LRP1B: variants seen among roughly 807,000 people sequenced by gnomAD.
LRP1B encodes LDL receptor related protein 1B, also known as low-density lipoprotein receptor-related protein 1B.
LRP1B carries 217 observed loss-of-function variants against 556.6 expected under a neutral mutation model. That is an observed-to-expected ratio of 0.39 (90% CI 0.35 to 0.44). The LOEUF is 0.44. Ranked by LOEUF, LRP1B falls within the 20% of genes least tolerant of loss-of-function variation. The pLI is 1.00. For synonymous variants in LRP1B, 2,047 were observed against 1,865.8 expected (o/e 1.10, Z -2.50); for missense variants, 5,053 against 5,620.8 (o/e 0.90, Z 3.23).
Position 141,009,714 on chromosome 2 carries a change from T to C in LRP1B, c.2380+3842A>G, listed in dbSNP as rs376866843. Among the ~76,000 whole-genome samples the C allele has an allele frequency of 1.5e-4, 23 of 152,142 alleles. No homozygotes were observed. The East Asian group carries it at 1.5e-3, about 10-fold the overall frequency. On this transcript the variant is annotated intron_variant, in intron 14 of 90. Transcript: ENST00000389484. ...TCTAAAATCTCTAAATCCTGGATTC[T>C]ATAAAAGTAGTCAAGGGGAACTTTA...
At chr2:141,903,975 T>C (rs1212156875) in intron 1 of LRP1B, among the ~76,000 whole-genome samples, 1 of 151,828 alleles carries the variant, frequency 6.6e-6, no homozygotes, top group Non-Finnish European at 1.5e-5. Flanking sequence ...GCAAGATCAA[T>C]GTCAGGGGCC....
intron 1 of LRP1B, among the ~76,000 whole-genome samples, chr2:141,843,701 T>C (rs552591918): frequency 5.9e-5 from 9 of 152,282 alleles, no homozygotes; most frequent in African/African-American, 2.2e-4. Flanking sequence ...CTGGACCAGG[T>C]ATTATTTCCC....
At chr2:141,217,304 T>C (rs1427091518) in intron 6 of LRP1B, among the ~76,000 whole-genome samples, 4 of 152,314 alleles carry the variant, frequency 2.6e-5, no homozygotes, top group Non-Finnish European at 4.4e-5. Context: ...CATTTTCTCA[T>C]CTATAAACTG....
In LRP1B at chr2:141,633,524, A is replaced by G. The variant is rs574527078; in HGVS notation, c.206-152991T>C. 7.2e-5 allele frequency among the ~76,000 whole-genome samples: 11 copies of G among 152,226 alleles called. 1 individual carries two copies. The highest frequency in any genetic ancestry group is 2.6e-4 in the African/African-American group (11 of 41,570). On this transcript the variant is annotated intron_variant, in intron 2 of 90. Transcript: ENST00000389484. ...GATTATTTCTTATTTCTTTCCCAGGAAAGTGTTTGCCTCTGAATCTACCAA... is the reference window on the plus strand; with the variant it reads ...GATTATTTCTTATTTCTTTCCCAGGGAAGTGTTTGCCTCTGAATCTACCAA...
chr2:141,896,545 C>T (rs1009176739), intron 1 of LRP1B, among the ~76,000 whole-genome samples: 6 of 152,050 alleles, frequency 3.9e-5, no homozygotes, highest in African/African-American at 1.4e-4. Flanking sequence ...TGATAAAGCA[C>T]ATTTTGAAAT....
chr2:140,905,182 T>G (rs1694213713), intron 22 of LRP1B, among the ~76,000 whole-genome samples: 1 of 152,060 alleles, frequency 6.6e-6, no homozygotes, highest in Non-Finnish European at 1.5e-5. Flanking sequence ...CTGCAGACTC[T>G]CAGCACAAAT....
intron 32 of LRP1B, among the ~76,000 whole-genome samples, chr2:140,799,154 A>G (rs1690419062): frequency 6.6e-6 from 1 of 152,220 alleles, no homozygotes; most frequent in Non-Finnish European, 1.5e-5. Flanking sequence ...TTTAAAAGTA[A>G]CACAAATTAA....
At position 141,201,233 on chromosome 2, in the gene LRP1B, C is replaced by T. The variant is rs56702035; in HGVS notation, c.851-12650G>A. Among the ~76,000 whole-genome samples the T allele has an allele frequency of 6.8e-3, 1,036 of 152,198 alleles. 9 individuals carry two copies. Among genetic ancestry groups the T allele is most frequent in the African/African-American group, 0.023 (935 of 41,514 alleles). The stretch of plus-strand genomic sequence containing the variant: ...GGTGAGTCTGAATGAGTAAAAATGG[C>T]TAAGAAAGCAAAGATCAAAATAATG... On this transcript the variant is annotated intron_variant, in intron 6 of 90. Transcript: ENST00000389484.
chr2:141,431,849 T>G (rs761915104), intron 3 of LRP1B, among the ~76,000 whole-genome samples: 3 of 152,168 alleles, frequency 2.0e-5, no homozygotes, highest in Non-Finnish European at 4.4e-5. Flanking sequence ...CATCTGTAAG[T>G]TCAAGTAGTT....
In LRP1B at chr2:141,237,418, C is replaced by T. The variant is rs142365843; in HGVS notation, c.593-7978G>A. On this transcript the variant is annotated intron_variant, in intron 5 of 90. Coordinates refer to ENST00000389484, the MANE Select transcript of LRP1B (RefSeq NM_018557.3). ...ACGGGGTCTCACTATGTTACCCAGGCTGGTCTCAAACTCCTGGTCTCAAGC... is the reference window on the plus strand; with the variant it reads ...ACGGGGTCTCACTATGTTACCCAGGTTGGTCTCAAACTCCTGGTCTCAAGC... Among the ~76,000 whole-genome samples the T allele has an allele frequency of 6.2e-3, 925 of 148,488 alleles. 10 individuals are homozygous for T. Among genetic ancestry groups the T allele is most frequent in the African/African-American group, 0.022 (894 of 40,354 alleles).
In LRP1B at chr2:141,074,569, G is replaced by GTCTCTCTCTC. The variant is rs368177753; in HGVS notation, c.1014-12306_1014-12297dup. On this transcript the variant is annotated intron_variant, in intron 7 of 90. Coordinates refer to ENST00000389484, the MANE Select transcript of LRP1B (RefSeq NM_018557.3). The stretch of plus-strand genomic sequence containing the variant: ...AAGTTCTTTCTCTTTCTGTCTCTCT[G>GTCTCTCTCTC]TCTCTCTCTCTCTCTCTCTCTATAT... Among the ~76,000 whole-genome samples, 198 of 136,312 alleles carry GTCTCTCTCTC rather than the reference G, an allele frequency of 1.5e-3. 1 individual carries two copies. Among genetic ancestry groups the GTCTCTCTCTC allele is most frequent in the Middle Eastern group, 3.7e-3 (1 of 268 alleles). 89.4% of individuals were successfully genotyped at this position (136,312 alleles called of 152,430 possible). A position where few individuals can be genotyped will look rare whatever the true frequency, so the allele number is the denominator to read the frequency against.
chr2:140,638,397 G>C lies in LRP1B; in HGVS notation c.6800-36758C>G, dbSNP rs573606855. 7.6e-4 allele frequency among the ~76,000 whole-genome samples: 116 copies of C among 152,242 alleles called. 2 individuals carry two copies. In the Middle Eastern group the frequency reaches 0.02, roughly 27 times the overall value. On this transcript the variant is annotated intron_variant, in intron 41 of 90. Coordinates refer to ENST00000389484, the MANE Select transcript of LRP1B (RefSeq NM_018557.3). ...AAAAGACAAGCCATAGACAATTCAGGTAATTCTGTGGCGAGGCTGGGATTT... is the reference window on the plus strand; with the variant it reads ...AAAAGACAAGCCATAGACAATTCAGCTAATTCTGTGGCGAGGCTGGGATTT...
At chr2:140,921,106 A>T (rs1201489972) in intron 21 of LRP1B, among the ~76,000 whole-genome samples, 1 of 152,010 alleles carries the variant, frequency 6.6e-6, no homozygotes, top group East Asian at 1.9e-4. Flanking sequence ...TATTATTTAC[A>T]TGCTTTGTCT....
intron 3 of LRP1B, among the ~76,000 whole-genome samples, chr2:141,285,184 G>T (rs1175409209): frequency 6.8e-6 from 1 of 146,356 alleles, no homozygotes; most frequent in Non-Finnish European, 1.5e-5. Flanking sequence ...TGCACCCTCC[G>T]CCTCCCAGGT....
intron 43 of LRP1B, among the ~76,000 whole-genome samples, chr2:140,584,291 C>T (rs1185136900): frequency 6.6e-6 from 1 of 151,850 alleles, no homozygotes; most frequent in Admixed American, 6.6e-5. Flanking sequence ...CTTTTATCTG[C>T]TCAATTATTT....
Position 142,028,355 on chromosome 2 carries a change from C to T in LRP1B, c.82+102293G>A, listed in dbSNP as rs529695567. 2.0e-5 allele frequency among the ~76,000 whole-genome samples: 3 copies of T among 152,102 alleles called. No homozygotes were observed. In the East Asian group the frequency reaches 5.8e-4, roughly 30 times the overall value. ...TTGCCATCAACCATTCTACTACCTC[C>T]AACCCTTGCAAACACTGACCTATTC... On this transcript the variant is annotated intron_variant, in intron 1 of 90. Coordinates refer to ENST00000389484, the MANE Select transcript of LRP1B (RefSeq NM_018557.3).
intron 2 of LRP1B, among the ~76,000 whole-genome samples, chr2:141,702,961 G>T (rs1037174135): frequency 2.6e-5 from 4 of 151,796 alleles, no homozygotes; most frequent in Non-Finnish European, 5.9e-5. Flanking sequence ...CTCATTAAAA[G>T]AAAGTCATGC....
intron 23 of LRP1B, among the ~76,000 whole-genome samples, chr2:140,890,862 G>A (rs1188169387): frequency 3.3e-5 from 5 of 151,974 alleles, no homozygotes; most frequent in East Asian, 3.9e-4. Flanking sequence ...AGTATTTGGA[G>A]ATAAAATAAA....
chr2:141,852,079 CA>C (rs1429220347), intron 1 of LRP1B, among the ~76,000 whole-genome samples: 2 of 151,624 alleles, frequency 1.3e-5, no homozygotes, highest in Non-Finnish European at 3.0e-5. Context: ...CTATAAGAAT[CA>C]ATAAATTCAT....
Sources: allele counts gnomAD v4.1 joint callset (sites outside exome capture counted in the v4.1 genomes callset), GRCh38; gene constraint gnomAD v4.1.1; transcripts MANE v1.5; gene names NCBI Gene and HGNC (gene_info 2026-07-23, HGNC 2026-07-21).